Variants in EYA1 observed in about 807,000 individuals in gnomAD.
The protein encoded by EYA1 is EYA transcriptional coactivator and phosphatase 1.
In EYA1, 16 loss-of-function variants were observed where a neutral mutation model predicts 82.0. That is an observed-to-expected ratio of 0.20 (90% CI 0.13 to 0.30). The LOEUF is 0.30. Ranked by LOEUF, EYA1 falls within the 10% of genes least tolerant of loss-of-function variation. EYA1 has a pLI of 1.00. For synonymous variants in EYA1, 261 were observed against 264.4 expected (o/e 0.99, Z 0.12); for missense variants, 633 against 730.7 (o/e 0.87, Z 1.54).
In EYA1 at chr8:71,494,417, A is replaced by G. The variant is rs535512475; in HGVS notation, c.33+41327T>C. Among the ~76,000 whole-genome samples, 130 of 152,322 alleles carry G rather than the reference A, an allele frequency of 8.5e-4. 1 individual carries two copies. Among genetic ancestry groups the G allele is most frequent in the African/African-American group, 3.0e-3 (123 of 41,580 alleles). ...CTTATGCAGTTTCAACAATGTAACA[A>G]TAACGCTACAAAATTTAAATGAAGA... is the stretch of plus-strand genomic sequence containing the variant. On this transcript the variant is annotated intron_variant, in intron 2 of 18. Transcript: ENST00000643681.
intron 11 of EYA1, among the ~76,000 whole-genome samples, chr8:71,259,641 C>G (rs900673271): frequency 6.6e-6 from 1 of 152,158 alleles, no homozygotes; most frequent in Non-Finnish European, 1.5e-5. Context: ...GAGGCTGATT[C>G]AGAAATGATC....
Position 71,457,657 on chromosome 8 carries a change from A to C in EYA1, c.33+78087T>G, listed in dbSNP as rs552942054. On this transcript the variant is annotated intron_variant, in intron 2 of 18. Transcript: ENST00000643681. ...ACCATCATTCTTAGCAAACTATCAC[A>C]AGGACAAAAAACCAAACACCGCATG... 5.3e-5 allele frequency among the ~76,000 whole-genome samples: 8 copies of C among 152,300 alleles called. No homozygotes were observed. The East Asian group carries it at 1.2e-3, about 22-fold the overall frequency.
intron 12 of EYA1, among the ~76,000 whole-genome samples, chr8:71,220,508 T>G (rs984210842): frequency 6.6e-6 from 1 of 152,168 alleles, no homozygotes; most frequent in African/African-American, 2.4e-5. Flanking sequence ...AGTAAACTAA[T>G]GGGTATCTTA....
Position 71,361,911 on chromosome 8 carries a change from C to T in EYA1, c.-319G>A. On this transcript the variant is annotated 5_prime_UTR_variant, in exon 1 of 18. The change creates a new upstream start codon in the 5' untranslated region. Transcript: ENST00000340726. ...GTGTTCCCCAGGAAGAAACCCGCCA[C>T]AGTGGACGGCAACAGGAAGGCTTAA... is the stretch of plus-strand genomic sequence containing the variant. The T allele has an allele frequency of 1.0e-6, 1 of 985,484 alleles. No individual in the cohort carries two copies. The highest frequency in any genetic ancestry group is 1.2e-6 in the Non-Finnish European group (1 of 829,978). The allele number at this position is 985,484 out of a possible 1,614,324, so 61.0% of individuals were successfully genotyped here.
intron 2 of EYA1, among the ~76,000 whole-genome samples, chr8:71,465,600 C>A (rs1808713851): frequency 6.6e-6 from 1 of 151,984 alleles, no homozygotes; most frequent in Non-Finnish European, 1.5e-5. Context: ...CCAGCCTGGG[C>A]AACAGAGCAA....
upstream of EYA1, chr8:71,362,155 CTTTTTTTTT>C (rs35320129): frequency 1.1e-5 from 9 of 824,630 alleles, no homozygotes; most frequent in African/African-American, 8.3e-5. Context: ...TCGGGGCTTT[CTTTTTTTTT>C]TTTTTTTTTT....
chr8:71,543,876 T>C (rs1167286830), intron 1 of EYA1, among the ~76,000 whole-genome samples: 2 of 152,132 alleles, frequency 1.3e-5, no homozygotes, highest in Admixed American at 6.5e-5. Context: ...AGAAAATAAA[T>C]GCCCTCCTGC....
chr8:71,262,381 C>T (rs771405805), intron 11 of EYA1, among the ~76,000 whole-genome samples: 1 of 152,170 alleles, frequency 6.6e-6, no homozygotes, highest in Non-Finnish European at 1.5e-5. Context: ...CTCTTTGCTG[C>T]CTGGAATAAC....
In EYA1 at chr8:71,271,878, G is replaced by C; in HGVS notation, c.846C>G (p.Ser282Arg). ...CTGAATCTTTAATGGGTGTTGATGG[G>C]CTGTGGATTGTGCTGTACTCTGCAG... ...DPTAEYSTIH[S>R]PSTPIKDSDS... The change falls in exon 10 of 18, where the codon AGC becomes AGG. Residue 282 changes from serine (S) to arginine (R), a missense_variant. Transcript: ENST00000340726. 6.2e-7 allele frequency: 1 copy of C among 1,614,140 alleles called. No homozygotes were observed.
chr8:71,225,978 A>G (rs111302624), intron 12 of EYA1, among the ~76,000 whole-genome samples: 2,014 of 152,318 alleles, frequency 0.013, 42 homozygotes, highest in African/African-American at 0.046. Flanking sequence ...AAGGTAAGGT[A>G]TTAGCTATTT....
At chr8:71,543,369 G>A (rs1264792792) in intron 1 of EYA1, among the ~76,000 whole-genome samples, 1 of 152,144 alleles carries the variant, frequency 6.6e-6, no homozygotes, top group African/African-American at 2.4e-5. Context: ...TATCTCAAGG[G>A]TAGTGTTTAC....
intron 2 of EYA1, among the ~76,000 whole-genome samples, chr8:71,395,113 A>C (rs1829513439): frequency 6.6e-6 from 1 of 152,154 alleles, no homozygotes; most frequent in Non-Finnish European, 1.5e-5. Flanking sequence ...GGTGTATAAG[A>C]ATGCTTGTGA....
At chr8:71,324,625 G>C (rs1022130827) in intron 4 of EYA1, among the ~76,000 whole-genome samples, 10 of 152,130 alleles carry the variant, frequency 6.6e-5, no homozygotes, top group Non-Finnish European at 1.3e-4. Flanking sequence ...TGGATTTTCT[G>C]TTTCCATTTT....
chr8:71,505,427 C>T (rs1251963631), intron 2 of EYA1, among the ~76,000 whole-genome samples: 1 of 152,180 alleles, frequency 6.6e-6, no homozygotes, highest in East Asian at 1.9e-4. Flanking sequence ...AGAAGTAGCA[C>T]CACCAACAAA....
rs1240001365 is a variant in EYA1, at chr8:71,469,368, TATACA to T, written c.33+66371_33+66375del. Among the ~76,000 whole-genome samples the T allele has an allele frequency of 5.1e-4, 78 of 152,088 alleles. 1 individual carries two copies. Among genetic ancestry groups the T allele is most frequent in the Non-Finnish European group, 1.1e-3 (72 of 67,982 alleles). Reference sequence around the variant, plus strand: ...CTTACCTAACTATGTGATTTGGAGATATACAACTTCTTTATACTTCAGCTTCCTCC... The same window carrying T: ...CTTACCTAACTATGTGATTTGGAGATACTTCTTTATACTTCAGCTTCCTCC... On this transcript the variant is annotated intron_variant, in intron 2 of 18. Coordinates refer to the EYA1 transcript ENST00000643681.
intron 12 of EYA1, among the ~76,000 whole-genome samples, chr8:71,232,344 C>T (rs146068098): frequency 7.2e-4 from 109 of 152,364 alleles, no homozygotes; most frequent in Middle Eastern, 3.4e-3. Flanking sequence ...TGACTTCACA[C>T]CCAGCCAGGC....
intron 1 of EYA1, among the ~76,000 whole-genome samples, chr8:71,545,181 A>G (rs1324183371): frequency 6.6e-6 from 1 of 152,218 alleles, no homozygotes; most frequent in Non-Finnish European, 1.5e-5. Flanking sequence ...CTGCTTTTTC[A>G]TCAGTACAAT....
chr8:71,270,813 G>A (rs1343596108), intron 10 of EYA1, among the ~76,000 whole-genome samples: 1 of 152,104 alleles, frequency 6.6e-6, no homozygotes, highest in African/African-American at 2.4e-5. Flanking sequence ...ATATAAGTGT[G>A]TCTTTCATTT....
chr8:71,210,489 G>GGTGGT (rs1313842491), intron 17 of EYA1, among the ~76,000 whole-genome samples: 1 of 152,154 alleles, frequency 6.6e-6, no homozygotes, highest in African/African-American at 2.4e-5. Context: ...GGCTAAGGAA[G>GGTGGT]GTGGTCCTTG....
Sources: gnomAD v4.1 joint callset for allele counts (sites outside exome capture counted in the v4.1 genomes callset) on GRCh38, gnomAD v4.1.1 for gene constraint, MANE v1.5 for transcripts, NCBI Gene and HGNC (gene_info 2026-07-23, HGNC 2026-07-21) for gene names.